SPINT1: variants seen among roughly 807,000 people sequenced by gnomAD.
SPINT1 encodes the protein kunitz-type protease inhibitor 1.
SPINT1 carries 38 observed loss-of-function variants against 53.7 expected under a neutral mutation model. That is an observed-to-expected ratio of 0.71 (90% CI 0.55 to 0.93). SPINT1 has a LOEUF of 0.93. Among genes scored for constraint, SPINT1 ranks in the 40% least tolerant of loss-of-function variants. The pLI is 0.00. For missense variants in SPINT1, 645 were observed against 692.9 expected, an observed-to-expected ratio of 0.93 and a Z score of 0.78; for synonymous variants, 283 against 280.6, an observed-to-expected ratio of 1.01 and a Z score of -0.08.
rs143834587 is a variant in SPINT1 at position 40,854,523 on chromosome 15, G to A, written c.1066+1G>A. ...TCCGACGAGGCTGCCTGTGAAAAATGTGAGGCCTGGGGGATAGAGGGGGTT... is the reference window on the plus strand; with the variant it reads ...TCCGACGAGGCTGCCTGTGAAAAATATGAGGCCTGGGGGATAGAGGGGGTT... On this transcript the variant is annotated splice_donor_variant, in intron 7 of 10. Coordinates refer to ENST00000562057, the MANE Select transcript of SPINT1 (RefSeq NM_003710.4). LOFTEE classifies it high-confidence loss of function. The A allele has an allele frequency of 6.8e-6, 11 of 1,613,514 alleles. No individual in the cohort carries two copies. In the African/African-American group the frequency reaches 1.2e-4, roughly 18 times the overall value.
chr15:40,844,516 G>T lies in SPINT1; in HGVS notation c.-39G>T. On this transcript the variant is annotated 5_prime_UTR_variant, in exon 2 of 11. Coordinates refer to ENST00000562057, the MANE Select transcript of SPINT1 (RefSeq NM_003710.4). This position sits in a 1 kb window ranked among gnomAD's most constrained non-coding sequence, Gnocchi z 5.8. ...TCACCAGCACCCTCGGAACCCAGAG[G>T]CCCGCGCTCTGAAGGTGACCCCCCT... 1 of 1,592,220 alleles carries T rather than the reference G, an allele frequency of 6.3e-7. No homozygotes were observed.
intron 2 of SPINT1, among the ~76,000 whole-genome samples, chr15:40,846,193 C>T (rs1336297548): frequency 2.6e-5 from 4 of 152,104 alleles, no homozygotes; most frequent in South Asian, 2.1e-4. Context: ...AAAGGCAAAG[C>T]GGAGGCCAGG....
chr15:40,851,596 C>T (rs1427530895), intron 2 of SPINT1, among the ~76,000 whole-genome samples: 1 of 152,240 alleles, frequency 6.6e-6, no homozygotes, highest in Non-Finnish European at 1.5e-5. Context: ...CTCTGAATGT[C>T]CACTGCCTTG....
At chr15:40,853,666 T>C (rs1891532603) in intron 4 of SPINT1, 39 bp downstream of exon 4, 3 of 1,613,990 alleles carry the variant, frequency 1.9e-6, no homozygotes, top group Non-Finnish European at 2.5e-6. Context: ...GAGCCCCCGC[T>C]GTGCGGATTG....
At chr15:40,850,957 T>C (rs893347057) in intron 2 of SPINT1, among the ~76,000 whole-genome samples, 6 of 152,236 alleles carry the variant, frequency 3.9e-5, no homozygotes, top group African/African-American at 1.4e-4. Flanking sequence ...CCTCCAGGAC[T>C]CTACGCCACT....
chr15:40,849,627 C>A (rs1891397717), intron 2 of SPINT1, among the ~76,000 whole-genome samples: 1 of 152,174 alleles, frequency 6.6e-6, no homozygotes, highest in South Asian at 2.1e-4. Context: ...CAATTAAAAT[C>A]ACAACCTCTG....
At position 40,853,820 on chromosome 15, in the gene SPINT1, G is replaced by A. The variant is rs1351575520; in HGVS notation, c.852G>A (p.Leu284=). The stretch of plus-strand genomic sequence containing the variant: ...AGAGTTTCGTTTATGGAGGCTGCTT[G>A]GGCAACAAGAACAACTACCTTCGGG... ...ICKSFVYGGC[L]GNKNNYLREE... is the part of the protein sequence containing the mutation. Residue 284 remains leucine, a synonymous_variant, in exon 5 of 11, where the codon TTG becomes TTA. Coordinates refer to ENST00000562057, the MANE Select transcript of SPINT1 (RefSeq NM_003710.4). 6.2e-7 allele frequency: 1 copy of A among 1,614,214 alleles called. No homozygotes were observed. Among genetic ancestry groups the A allele is most frequent in the South Asian group, 1.1e-5 (1 of 91,084 alleles).
Position 40,844,230 on chromosome 15 carries a change from G to A in SPINT1, c.-66+44G>A, listed in dbSNP as rs1020514090. The A allele has an allele frequency of 2.2e-6, 1 of 447,246 alleles. No homozygotes were observed. 27.7% of individuals were successfully genotyped at this position (447,246 alleles called of 1,614,324 possible). ...CGCAAGGCCGAGGCGCAGGCGGAGCGGGCTGGAGCATGTCCGGCCCTTTGT... is the reference window on the plus strand; with the variant it reads ...CGCAAGGCCGAGGCGCAGGCGGAGCAGGCTGGAGCATGTCCGGCCCTTTGT... On this transcript the variant is annotated intron_variant, in intron 1 of 10. Transcript: ENST00000562057. This position sits in a 1 kb window ranked among gnomAD's most constrained non-coding sequence, Gnocchi z 5.8.
chr15:40,848,511 TTGTC>T (rs1456822320), intron 2 of SPINT1, among the ~76,000 whole-genome samples: 2 of 152,216 alleles, frequency 1.3e-5, no homozygotes, highest in African/African-American at 4.8e-5. Flanking sequence ...AACAATCGCA[TTGTC>T]TGTCAACACA....
chr15:40,857,481 A>G lies in SPINT1; in HGVS notation c.*506A>G, dbSNP rs17649. 0.66 allele frequency: 101,794 copies of G among 153,720 alleles called. 37,543 individuals carry two copies. Among genetic ancestry groups the G allele is most frequent in the Non-Finnish European group, 0.8 (55,003 of 69,084 alleles). 9.5% of individuals were successfully genotyped at this position (153,720 alleles called of 1,614,324 possible). ...GGGAAGAGGCCTGTTTGGCCTCTCTATCCTCTCTTCCTCTTCCCCCAAGAT... is the reference window on the plus strand; with the variant it reads ...GGGAAGAGGCCTGTTTGGCCTCTCTGTCCTCTCTTCCTCTTCCCCCAAGAT... On this transcript the variant is annotated 3_prime_UTR_variant, in exon 11 of 11. Coordinates refer to ENST00000562057, the MANE Select transcript of SPINT1 (RefSeq NM_003710.4).
intron 2 of SPINT1, among the ~76,000 whole-genome samples, chr15:40,846,527 C>A (rs1223519802): frequency 1.3e-5 from 2 of 152,170 alleles, no homozygotes; most frequent in Non-Finnish European, 2.9e-5. Context: ...CTGAGATTCA[C>A]CCCAGGGGAG....
rs1212054933 is a variant in SPINT1 at position 40,856,290 on chromosome 15, G to A, written c.1303G>A (p.Gly435Ser). 19 of 1,614,064 alleles carry A rather than the reference G, an allele frequency of 1.2e-5. No homozygotes were observed. The highest frequency in any genetic ancestry group is 1.6e-5 in the Non-Finnish European group (19 of 1,180,046). Reference protein sequence around the residue: ...CRGISKKDVFGLRREIPIPST... With the variant: ...CRGISKKDVFSLRREIPIPST... ...TCATTCTGCAGAGAAGGATGTGTTT[G>A]GCCTGAGGCGGGAAATCCCCATTCC... Residue 435 changes from glycine to serine, a missense_variant, in exon 10 of 11, where the codon GGC (glycine) becomes AGC (serine). Coordinates refer to ENST00000562057, the MANE Select transcript of SPINT1 (RefSeq NM_003710.4).
chr15:40,856,871 C>G lies in SPINT1; in HGVS notation c.1438C>G (p.His480Asp). Residue 480 changes from histidine (H) to aspartate (D), a missense_variant, in exon 11 of 11, where the codon CAC becomes GAC. Physicochemically the swap from His to Asp is moderately conservative, Grantham distance 81. Transcript: ENST00000562057. Reference protein sequence around the residue: ...CFFKNQRKDFHGHHHHPPPTP... With the variant: ...CFFKNQRKDFDGHHHHPPPTP... ...CTTCAAGAACCAGAGAAAGGACTTC[C>G]ACGGACACCACCACCACCCACCACC... 6.2e-7 allele frequency: 1 copy of G among 1,614,124 alleles called. No homozygotes were observed. The highest frequency in any genetic ancestry group is 8.5e-7 in the Non-Finnish European group (1 of 1,180,020).
Position 40,856,272 on chromosome 15 carries a change from G to T in SPINT1, c.1289-4G>T. ...GACTGGTCTTTCCCCTCATCATTCT[G>T]CAGAGAAGGATGTGTTTGGCCTGAG... On this transcript the variant is annotated splice_polypyrimidine_tract_variant and splice_region_variant and intron_variant, in intron 9 of 10. Transcript: ENST00000562057. 1 of 1,614,142 alleles carries T rather than the reference G, an allele frequency of 6.2e-7. No homozygotes were observed. The highest frequency in any genetic ancestry group is 8.5e-7 in the Non-Finnish European group (1 of 1,180,012).
rs1044353096 is a variant in SPINT1 at position 40,853,630 on chromosome 15, G to A, written c.742+3G>A. On this transcript the variant is annotated splice_donor_region_variant and intron_variant, in intron 4 of 10. Coordinates refer to ENST00000562057, the MANE Select transcript of SPINT1 (RefSeq NM_003710.4). ...GCTGTCCACCAAGCAGACAGAAGGT[G>A]AGGGAGGGGTGAGGAGCAGCACCTG... is the stretch of plus-strand genomic sequence containing the variant. 8.7e-6 allele frequency: 14 copies of A among 1,613,910 alleles called. No individual in the cohort carries two copies. Among genetic ancestry groups the A allele is most frequent in the Non-Finnish European group, 1.2e-5 (14 of 1,179,966 alleles).
intron 10 of SPINT1, 105 bp downstream of exon 10, chr15:40,856,428 G>C (rs1266446480): frequency 1.4e-6 from 2 of 1,438,752 alleles, no homozygotes; most frequent in African/African-American, 2.8e-5. Flanking sequence ...AGGATGCCAA[G>C]GTGGCCTATA....
chr15:40,853,827 A>G lies in SPINT1; in HGVS notation c.859A>G (p.Lys287Glu). 6.2e-7 allele frequency: 1 copy of G among 1,614,222 alleles called. No individual in the cohort carries two copies. Among genetic ancestry groups the G allele is most frequent in the Middle Eastern group, 1.6e-4 (1 of 6,062 alleles). The stretch of plus-strand genomic sequence containing the variant: ...CGTTTATGGAGGCTGCTTGGGCAAC[A>G]AGAACAACTACCTTCGGGAAGAAGA... ...SFVYGGCLGN[K>E]NNYLREEECI... Residue 287 changes from lysine to glutamate, a missense_variant, in exon 5 of 11, where the codon AAG (lysine) becomes GAG (glutamate). By Grantham distance (56) the Lys-to-Glu change is moderately conservative. Coordinates refer to ENST00000562057, the MANE Select transcript of SPINT1 (RefSeq NM_003710.4).
At chr15:40,856,137 T>G in intron 9 of SPINT1, 75 bp downstream of exon 9, 1 of 1,595,122 alleles carries the variant, frequency 6.3e-7, no homozygotes, top group East Asian at 2.2e-5. Context: ...TCCCCAGGCC[T>G]TTGGGAGTCA....
In SPINT1 at chr15:40,856,268, T is replaced by G; in HGVS notation, c.1289-8T>G. The G allele has an allele frequency of 6.2e-7, 1 of 1,614,146 alleles. No individual in the cohort carries two copies. Among genetic ancestry groups the G allele is most frequent in the South Asian group, 1.1e-5 (1 of 91,092 alleles). On this transcript the variant is annotated splice_polypyrimidine_tract_variant and splice_region_variant and intron_variant, in intron 9 of 10. Coordinates refer to ENST00000562057, the MANE Select transcript of SPINT1 (RefSeq NM_003710.4). ...TACTGACTGGTCTTTCCCCTCATCA[T>G]TCTGCAGAGAAGGATGTGTTTGGCC...
Sources: allele counts gnomAD v4.1 joint callset (sites outside exome capture counted in the v4.1 genomes callset), GRCh38; gene constraint gnomAD v4.1.1; non-coding constraint Gnocchi (gnomAD v3.1); transcripts MANE v1.5; gene names NCBI Gene and HGNC (gene_info 2026-07-23, HGNC 2026-07-21).